XCR1: variants seen among roughly 807,000 people sequenced by gnomAD.
XCR1 encodes X-C motif chemokine receptor 1, also known as chemokine XC receptor 1.
For synonymous variants in XCR1, 187 were observed against 188.5 expected (o/e 0.99, Z 0.06); for missense variants, 356 against 424.2 (o/e 0.84, Z 1.41).
At chr3:46,036,627 T>C (rs890557636) in intron 5 of XCR1, among the ~76,000 whole-genome samples, 1 of 152,204 alleles carries the variant, frequency 6.6e-6, no homozygotes, top group African/African-American at 2.4e-5. Flanking sequence ...AACATATATT[T>C]TTGTTTGGGC....
At chr3:46,040,272 A>G (rs1012852352) in intron 5 of XCR1, among the ~76,000 whole-genome samples, 1 of 152,206 alleles carries the variant, frequency 6.6e-6, no homozygotes, top group East Asian at 1.9e-4. Flanking sequence ...TGATTATTTT[A>G]TAGTAATTTG....
At chr3:46,029,646 A>G (rs902731919), upstream of XCR1, among the ~76,000 whole-genome samples, 1 of 152,268 alleles carries the variant, frequency 6.6e-6, no homozygotes, top group Non-Finnish European at 1.5e-5. Context: ...TTAAAGAGCC[A>G]GATGCAAGGG....
Position 46,020,021 on chromosome 3 carries a change from TG to T in XCR1, c.*924del. On this transcript the variant is annotated 3_prime_UTR_variant, in exon 2 of 2. Transcript: ENST00000309285. ...ACTTGAGGTTTGGAGTGTGGGTGGG[TG>T]GGGGGAGCTACCACCATCAACCAAA... 6.6e-6 allele frequency: 1 copy of T among 151,398 alleles called. No individual in the cohort carries two copies. The highest frequency in any genetic ancestry group is 1.5e-5 in the Non-Finnish European group (1 of 67,830). The allele number at this position is 151,398 out of a possible 1,614,324, so 9.4% of individuals were successfully genotyped here. A position where few individuals can be genotyped will look rare whatever the true frequency, so the allele number is the denominator to read the frequency against.
At position 46,037,878 on chromosome 3, in the gene XCR1, A is replaced by G. The variant is rs145124186; in HGVS notation, c.-31-15900T>C. On this transcript the variant is annotated intron_variant, in intron 5 of 5. Coordinates refer to the XCR1 transcript ENST00000683768. ...CTTCACAGTATATTTGCTATTTTGC[A>G]TAGATAGTACTGGTACTAAGGTACT... Among the ~76,000 whole-genome samples, 1,151 of 152,314 alleles carry G rather than the reference A, an allele frequency of 7.6e-3. 14 individuals carry two copies. Among genetic ancestry groups the G allele is most frequent in the African/African-American group, 0.027 (1,103 of 41,564 alleles).
At position 46,021,260 on chromosome 3, in the gene XCR1, T is replaced by G; in HGVS notation, c.688A>C (p.Ile230Leu). The G allele has an allele frequency of 6.2e-7, 1 of 1,614,180 alleles. No homozygotes were observed. The change falls in exon 2 of 2, where the codon ATC (isoleucine) becomes CTC (leucine). Residue 230 changes from isoleucine (I) to leucine (L), a missense_variant. By Grantham distance (5) the Ile-to-Leu change is conservative. Coordinates refer to ENST00000309285, the MANE Select transcript of XCR1 (RefSeq NM_001024644.2). The surrounding 1 kb of genome is among the most constrained non-coding windows in gnomAD (Gnocchi z 4.7). ...RHRTVKLIFA[I>L]VVAYFLSWGP... ...CAGCTGAGGAAGTAGGCCACCACGATGGCGAAGATGAGCTTGACCGTGCGG... is the reference window on the plus strand; with the variant it reads ...CAGCTGAGGAAGTAGGCCACCACGAGGGCGAAGATGAGCTTGACCGTGCGG...
In XCR1 at chr3:46,017,285, A is replaced by T. The variant is rs1708060191; in HGVS notation, c.*3661T>A. The T allele has an allele frequency of 6.6e-6, 1 of 152,250 alleles. No homozygotes were observed. The highest frequency in any genetic ancestry group is 6.5e-5 in the Admixed American group (1 of 15,286). 9.4% of individuals were successfully genotyped at this position (152,250 alleles called of 1,614,324 possible). ...TGTCATTCGACTCCACAGACAGTTT[A>T]CTTTGGACATCTTTAGACCAGGTTT... On this transcript the variant is annotated 3_prime_UTR_variant, in exon 2 of 2. Transcript: ENST00000309285.
chr3:46,074,667 G>A (rs1415595406), exon 3 of XCR1, among the ~76,000 whole-genome samples: 1 of 152,158 alleles, frequency 6.6e-6, no homozygotes, highest in Non-Finnish European at 1.5e-5. Flanking sequence ...TTATGTGGAA[G>A]TAGGTCATCA....
intron 3 of XCR1, among the ~76,000 whole-genome samples, chr3:46,067,836 C>A (rs963652054): frequency 3.3e-5 from 5 of 151,926 alleles, no homozygotes; most frequent in African/African-American, 1.2e-4. Flanking sequence ...GGCCAGCAAA[C>A]GAGAAACTCA....
intron 4 of XCR1, among the ~76,000 whole-genome samples, chr3:46,058,239 T>A (rs1697890594): frequency 6.6e-6 from 1 of 152,226 alleles, no homozygotes; most frequent in South Asian, 2.1e-4. Context: ...AAATGCTTAT[T>A]AAAGGTAAGG....
chr3:46,025,438 A>G (rs552445955), intron 1 of XCR1, among the ~76,000 whole-genome samples: 1 of 152,140 alleles, frequency 6.6e-6, no homozygotes, highest in African/African-American at 2.4e-5. Flanking sequence ...GAGAGAGAGA[A>G]AGACCAAAAA....
At chr3:46,049,034 C>T (rs148668575) in intron 5 of XCR1, among the ~76,000 whole-genome samples, 11 of 152,280 alleles carry the variant, frequency 7.2e-5, no homozygotes, top group African/African-American at 2.4e-4. Context: ...TTTAGGTATC[C>T]CCATATGAGC....
At chr3:46,075,577 T>C (rs1698244555) in intron 2 of XCR1, among the ~76,000 whole-genome samples, 1 of 152,160 alleles carries the variant, frequency 6.6e-6, no homozygotes, top group Non-Finnish European at 1.5e-5. Flanking sequence ...CAAAAGGCCC[T>C]GTTAAGACCA....
At chr3:46,028,097 C>T (rs1377287149), upstream of XCR1, among the ~76,000 whole-genome samples, 2 of 152,116 alleles carry the variant, frequency 1.3e-5, no homozygotes, top group African/African-American at 2.4e-5. Flanking sequence ...AGCTAGCAAC[C>T]CTCTTTTGGG....
rs142421544 is a variant in XCR1 at position 46,068,274 on chromosome 3, C to T, written c.-262-1296G>A. Among the ~76,000 whole-genome samples the T allele has an allele frequency of 1.2e-3, 176 of 152,136 alleles. 1 individual carries two copies. The highest frequency in any genetic ancestry group is 6.8e-3 in the Middle Eastern group (2 of 294). On this transcript the variant is annotated intron_variant, in intron 3 of 5. Coordinates refer to the XCR1 transcript ENST00000683768. ...GAAACAAGGATACACATATCTATAC[C>T]GGTGGCTCTCATTGGGTGCAATTTT...
intron 5 of XCR1, among the ~76,000 whole-genome samples, chr3:46,032,605 A>C (rs1331259686): frequency 6.6e-6 from 1 of 152,240 alleles, no homozygotes; most frequent in Non-Finnish European, 1.5e-5. Context: ...AAACTTGGGC[A>C]AAGGCACCAC....
intron 5 of XCR1, among the ~76,000 whole-genome samples, chr3:46,040,286 T>C (rs1213535630): frequency 1.3e-5 from 2 of 152,186 alleles, no homozygotes; most frequent in African/African-American, 4.8e-5. Flanking sequence ...TAATTTGTGA[T>C]CCTATTTTGT....
chr3:46,050,268 G>C (rs753785414), intron 5 of XCR1, among the ~76,000 whole-genome samples: 1 of 152,230 alleles, frequency 6.6e-6, no homozygotes, highest in Non-Finnish European at 1.5e-5. Context: ...TCTCCTTGCA[G>C]GGTTTGGTAA....
At chr3:46,029,310 C>A (rs1474908552), upstream of XCR1, among the ~76,000 whole-genome samples, 1 of 152,138 alleles carries the variant, frequency 6.6e-6, no homozygotes, top group Admixed American at 6.5e-5. Flanking sequence ...CCTAAGTGAT[C>A]CTCCTACTTC....
intron 3 of XCR1, among the ~76,000 whole-genome samples, chr3:46,073,588 CAAA>C (rs1698198060): frequency 6.6e-6 from 1 of 151,626 alleles, no homozygotes; most frequent in Non-Finnish European, 1.5e-5. Context: ...GATTCTTAAA[CAAA>C]AAACAAAAAA....
Sources: gnomAD v4.1 joint callset for allele counts (sites outside exome capture counted in the v4.1 genomes callset) on GRCh38, gnomAD v4.1.1 for gene constraint, Gnocchi (gnomAD v3.1) non-coding constraint, MANE v1.5 for transcripts, NCBI Gene and HGNC (gene_info 2026-07-23, HGNC 2026-07-21) for gene names.